The following EEF1AKMT2 variants were observed in gnomAD, a reference collection of about 807,000 sequenced individuals.
EEF1AKMT2 encodes the protein EEF1A lysine methyltransferase 2, also known as eukaryotic translation elongation factor 1 alpha lysine methyltransferase 2.
In EEF1AKMT2, 32 loss-of-function variants were observed where a neutral mutation model predicts 35.8. The observed-to-expected ratio is 0.89, with a 90% CI of 0.67 to 1.20. EEF1AKMT2 has a LOEUF of 1.20. EEF1AKMT2 is among the 50% of genes most tolerant of loss of function. EEF1AKMT2 has a pLI of 0.00. For missense variants in EEF1AKMT2, 330 were observed against 347.5 expected (o/e 0.95, Z 0.40); for synonymous variants, 121 against 133.7 (o/e 0.91, Z 0.65).
intron 3 of EEF1AKMT2, among the ~76,000 whole-genome samples, chr10:124,777,781 C>T (rs1213413936): frequency 6.6e-6 from 1 of 152,058 alleles, no homozygotes; most frequent in Non-Finnish European, 1.5e-5. Flanking sequence ...TATCCACCTG[C>T]CTTGGCCTCC....
At position 124,762,513 on chromosome 10, in the gene EEF1AKMT2, G is replaced by C. The variant is rs996818300; in HGVS notation, c.662C>G (p.Ser221Cys). The C allele has an allele frequency of 7.8e-7, 1 of 1,284,794 alleles. No homozygotes were observed. The highest frequency in any genetic ancestry group is 1.5e-5 in the African/African-American group (1 of 65,812). The allele number at this position is 1,284,794 out of a possible 1,614,324, so 79.6% of individuals were successfully genotyped here. ...AGTGGAAAAGATCGCTTGAGCCCAG[G>C]AAGTCAAGGCTGCAGTGAGCCAAAA... ...AGFWLTAALT[S>C]WAQAIFSTSA... Residue 221 changes from serine to cysteine, a missense_variant, in exon 6 of 7, where the codon TCC becomes TGC. Coordinates refer to ENST00000368836, the MANE Select transcript of EEF1AKMT2 (RefSeq NM_212554.4).
chr10:124,771,184 C>G (rs1270241471), intron 4 of EEF1AKMT2, among the ~76,000 whole-genome samples: 1 of 151,924 alleles, frequency 6.6e-6, no homozygotes, highest in Admixed American at 6.6e-5. Context: ...ACTGCAAGCT[C>G]CGCCTCCCAG....
chr10:124,767,160 T>TAAA (rs903606562), intron 4 of EEF1AKMT2, among the ~76,000 whole-genome samples: 4 of 104,202 alleles, frequency 3.8e-5, no homozygotes, highest in African/African-American at 1.3e-4. Flanking sequence ...GACTCCATCT[T>TAAA]AAAAAAAAAA....
intron 4 of EEF1AKMT2, among the ~76,000 whole-genome samples, chr10:124,769,246 A>ATG (rs1950407751): frequency 8.4e-5 from 2 of 23,718 alleles, no homozygotes; most frequent in Admixed American, 1.0e-3. Flanking sequence ...ATATATATAT[A>ATG]TATGTGTGTA....
At chr10:124,785,931 G>A (rs1356389959) in intron 3 of EEF1AKMT2, among the ~76,000 whole-genome samples, 2 of 149,704 alleles carry the variant, frequency 1.3e-5, no homozygotes, top group African/African-American at 2.4e-5. Flanking sequence ...TACACAAGTG[G>A]CAAACAAGCA....
intron 4 of EEF1AKMT2, among the ~76,000 whole-genome samples, chr10:124,773,686 C>T (rs117898982): frequency 6.6e-6 from 1 of 152,134 alleles, no homozygotes; most frequent in Non-Finnish European, 1.5e-5. Context: ...TACGTGGGCA[C>T]AGTTCATGGC....
At chr10:124,781,331 C>A (rs1950537696) in intron 3 of EEF1AKMT2, among the ~76,000 whole-genome samples, 1 of 151,790 alleles carries the variant, frequency 6.6e-6, no homozygotes, top group East Asian at 2.0e-4. Context: ...GTTATCCCAG[C>A]ACTTTTGAAG....
intron 3 of EEF1AKMT2, among the ~76,000 whole-genome samples, chr10:124,781,031 C>T (rs1032478791): frequency 1.4e-4 from 22 of 151,848 alleles, no homozygotes; most frequent in African/African-American, 4.8e-4. Context: ...CTGCAACCCC[C>T]GCCTCCCGGG....
chr10:124,771,777 G>A (rs1221840314), intron 4 of EEF1AKMT2, among the ~76,000 whole-genome samples: 1 of 152,076 alleles, frequency 6.6e-6, no homozygotes, highest in Admixed American at 6.5e-5. Context: ...GCTGAGGCAG[G>A]AGAATGGCAT....
chr10:124,771,075 G>A (rs1404828566), intron 4 of EEF1AKMT2, among the ~76,000 whole-genome samples: 18 of 152,032 alleles, frequency 1.2e-4, no homozygotes, highest in Admixed American at 1.2e-3. Context: ...AGGCAGAATG[G>A]TGAATCATTT....
chr10:124,760,525 C>T (rs756038962), intron 6 of EEF1AKMT2, 22 bp from the exon 7 acceptor site: 2 of 1,592,700 alleles, frequency 1.3e-6, no homozygotes, highest in Middle Eastern at 1.7e-4. Context: ...AATTTAAATA[C>T]TTTTATTAAG....
intron 4 of EEF1AKMT2, among the ~76,000 whole-genome samples, chr10:124,771,747 T>TAGTCCCAGCTACTTGTTGC (rs761444874): frequency 2.6e-4 from 39 of 152,080 alleles, no homozygotes; most frequent in Non-Finnish European, 5.3e-4. Flanking sequence ...CAGGCACCTG[T>TAGTCCCAGCTACTTGTTGC]AGTCCCAGCT....
In EEF1AKMT2 at chr10:124,789,077, A is replaced by C; in HGVS notation, c.257T>G (p.Ile86Ser). 2 of 1,613,508 alleles carry C rather than the reference A, an allele frequency of 1.2e-6. No individual in the cohort carries two copies. Among genetic ancestry groups the C allele is most frequent in the Admixed American group, 3.3e-5 (2 of 59,958 alleles). The change falls in exon 3 of 7, where the codon ATT becomes AGT. Residue 86 changes from isoleucine to serine, a missense_variant. By Grantham distance (142) the Ile-to-Ser change is moderately radical (BLOSUM62 -2). Coordinates refer to ENST00000368836, the MANE Select transcript of EEF1AKMT2 (RefSeq NM_212554.4). Reference protein sequence around the residue: ...KIPLDASVLDIGTGNGVFLVE... With the variant: ...KIPLDASVLDSGTGNGVFLVE... The stretch of plus-strand genomic sequence containing the variant: ...CAGGAAAACACCATTTCCAGTTCCA[A>C]TATCAAGCACTGAAGCATCCAGTGG...
Position 124,760,346 on chromosome 10 carries a change from G to T in EEF1AKMT2, c.*157C>A. 1 of 1,096,230 alleles carries T rather than the reference G, an allele frequency of 9.1e-7. No individual in the cohort carries two copies. The highest frequency in any genetic ancestry group is 1.4e-6 in the Non-Finnish European group (1 of 736,200). 67.9% of individuals were successfully genotyped at this position (1,096,230 alleles called of 1,614,324 possible). A position where few individuals can be genotyped will look rare whatever the true frequency, so the allele number is the denominator to read the frequency against. ...GCATTTATTTGCACAAGGATTTTCTGTGTCAGGTTAACTTTGCTGTGTAGA... is the reference window on the plus strand; with the variant it reads ...GCATTTATTTGCACAAGGATTTTCTTTGTCAGGTTAACTTTGCTGTGTAGA... On this transcript the variant is annotated 3_prime_UTR_variant, in exon 7 of 7. Transcript: ENST00000368836.
intron 4 of EEF1AKMT2, among the ~76,000 whole-genome samples, chr10:124,772,279 TC>T: frequency 6.6e-6 from 1 of 152,184 alleles, no homozygotes; most frequent in African/African-American, 2.4e-5. Context: ...GGCTATTTCA[TC>T]TCCATTGGAA....
chr10:124,776,842 AG>A (rs1228666567), intron 3 of EEF1AKMT2, among the ~76,000 whole-genome samples: 1 of 151,662 alleles, frequency 6.6e-6, no homozygotes, highest in Admixed American at 6.6e-5. Flanking sequence ...TACAGTAATT[AG>A]GAAGTTCAAG....
At chr10:124,761,021 C>G (rs1053158541) in intron 6 of EEF1AKMT2, among the ~76,000 whole-genome samples, 1 of 152,198 alleles carries the variant, frequency 6.6e-6, no homozygotes, top group South Asian at 2.1e-4. Flanking sequence ...TTATGCACCA[C>G]CACACCCGGC....
Position 124,759,545 on chromosome 10 carries a change from C to A in EEF1AKMT2, c.*958G>T, listed in dbSNP as rs1950312280. On this transcript the variant is annotated 3_prime_UTR_variant, in exon 7 of 7. Coordinates refer to ENST00000368836, the MANE Select transcript of EEF1AKMT2 (RefSeq NM_212554.4). ...AGGCAAAGACTAAGCACCTGTGAGG[C>A]AGAATATGCTAGGAGAAGAGTATGT... is the stretch of plus-strand genomic sequence containing the variant. 6.6e-6 allele frequency: 1 copy of A among 152,192 alleles called. No homozygotes were observed. The highest frequency in any genetic ancestry group is 6.5e-5 in the Admixed American group (1 of 15,282). The allele number at this position is 152,192 out of a possible 1,614,324, so 9.4% of individuals were successfully genotyped here.
At chr10:124,771,066 G>A (rs1321872686) in intron 4 of EEF1AKMT2, among the ~76,000 whole-genome samples, 2 of 152,042 alleles carry the variant, frequency 1.3e-5, no homozygotes, top group East Asian at 1.9e-4. Flanking sequence ...CTTCACGACA[G>A]GCAGAATGGT....
Sources: allele counts gnomAD v4.1 joint callset (sites outside exome capture counted in the v4.1 genomes callset), GRCh38; gene constraint gnomAD v4.1.1; transcripts MANE v1.5; gene names NCBI Gene and HGNC (gene_info 2026-07-23, HGNC 2026-07-21).